DCAKD: variants seen among roughly 807,000 people sequenced by gnomAD.
The protein encoded by DCAKD is dephospho-CoA kinase domain containing.
A neutral mutation model predicts 18.7 loss-of-function variants in DCAKD; 15 were observed. That is an observed-to-expected ratio of 0.80 (90% CI 0.54 to 1.24). The LOEUF is 1.24. Ranked by LOEUF, DCAKD falls within the 50% of genes most tolerant of loss-of-function variation. The pLI is 0.00. For missense variants in DCAKD, 301 were observed against 322.0 expected, an observed-to-expected ratio of 0.93 and a Z score of 0.50; for synonymous variants, 130 against 133.0, an observed-to-expected ratio of 0.98 and a Z score of 0.16.
intron 3 of DCAKD, among the ~76,000 whole-genome samples, chr17:45,030,761 G>A (rs985324142): frequency 9.2e-5 from 14 of 152,246 alleles, no homozygotes; most frequent in African/African-American, 3.4e-4. Flanking sequence ...ACGTTGGGGC[G>A]GCAGCAGCAG....
At position 45,042,459 on chromosome 17, in the gene DCAKD, G is replaced by A. The variant is rs1438615942; in HGVS notation, c.-114-7460C>T. Among the ~76,000 whole-genome samples, 6 of 152,220 alleles carry A rather than the reference G, an allele frequency of 3.9e-5. No homozygotes were observed. In the East Asian group the frequency reaches 9.7e-4, roughly 25 times the overall value. ...TGCCAGGCCAGGACCTGGCTCCCTC[G>A]GCTTGCAGCCCCTGTCCTCCTCCCC... On this transcript the variant is annotated intron_variant, in intron 1 of 4. Transcript: ENST00000651974.
Position 45,034,188 on chromosome 17 carries a change from C to G in DCAKD, c.315G>C (p.Arg105=). 6.2e-7 allele frequency: 1 copy of G among 1,613,542 alleles called. No individual in the cohort carries two copies. The highest frequency in any genetic ancestry group is 8.5e-7 in the Non-Finnish European group (1 of 1,179,752). The change falls in exon 3 of 5, where the codon CGG becomes CGC. Residue 105 remains arginine, a splice_region_variant and synonymous_variant. Transcript: ENST00000651974. ...CCCGCCCCAGGCCCTGGCACTTACC[C>G]CGGAGGAAGTACTTGAACGTCTCCT... is the stretch of plus-strand genomic sequence containing the variant. ...MMKETFKYFL[R]GYRYVILDIP...
At chr17:45,055,585 A>G (rs1381560285), upstream of DCAKD, among the ~76,000 whole-genome samples, 1 of 151,956 alleles carries the variant, frequency 6.6e-6, no homozygotes, top group Non-Finnish European at 1.5e-5. Flanking sequence ...CCATACCTCA[A>G]AAGCACCCAA....
chr17:45,032,551 G>A (rs1597949598), intron 3 of DCAKD, among the ~76,000 whole-genome samples: 1 of 151,642 alleles, frequency 6.6e-6, no homozygotes, highest in African/African-American at 2.4e-5. Context: ...TTGGGAGGGC[G>A]AGGCAGGCAT....
At chr17:45,038,347 A>T (rs1307255342) in intron 1 of DCAKD, among the ~76,000 whole-genome samples, 1 of 152,068 alleles carries the variant, frequency 6.6e-6, no homozygotes, top group Non-Finnish European at 1.5e-5. Flanking sequence ...CTGATGTGTA[A>T]CAGCGCTCAG....
rs35837364 is a variant in DCAKD, at chr17:45,035,480, T to TAA, written c.-114-483_-114-482dup. Among the ~76,000 whole-genome samples, 411 of 86,888 alleles carry TAA rather than the reference T, an allele frequency of 4.7e-3. 2 individuals are homozygous for TAA. Among genetic ancestry groups the TAA allele is most frequent in the South Asian group, 0.011 (25 of 2,334 alleles). 57.0% of individuals were successfully genotyped at this position (86,888 alleles called of 152,430 possible). On this transcript the variant is annotated intron_variant, in intron 1 of 4. Transcript: ENST00000651974. Reference sequence around the variant, plus strand: ...GTGGGTGACAGAACCAGATTCCTTCTAAAAAAAAAAAAAAAAAAAAAAGCA... The same window carrying TAA: ...GTGGGTGACAGAACCAGATTCCTTCTAAAAAAAAAAAAAAAAAAAAAAAAGCA...
At chr17:45,050,075 C>G (rs2053658997) in intron 1 of DCAKD, among the ~76,000 whole-genome samples, 1 of 139,624 alleles carries the variant, frequency 7.2e-6, no homozygotes, top group South Asian at 2.3e-4. Flanking sequence ...GAGTCTCACT[C>G]TCTTGCCCAG....
At chr17:45,035,182 G>A (rs187064901) in intron 1 of DCAKD, 183 bp from the exon 2 acceptor site, 3 of 328,132 alleles carry the variant, frequency 9.1e-6, no homozygotes, top group Non-Finnish European at 1.8e-5. Flanking sequence ...AAAAACACTC[G>A]CAAAGAAGGC....
At position 45,030,326 on chromosome 17, in the gene DCAKD, T is replaced by C; in HGVS notation, c.317-147A>G. 6 of 697,542 alleles carry C rather than the reference T, an allele frequency of 8.6e-6. No homozygotes were observed. The South Asian group carries it at 9.6e-5, about 11-fold the overall frequency. The allele number at this position is 697,542 out of a possible 1,614,324, so 43.2% of individuals were successfully genotyped here. A position where few individuals can be genotyped will look rare whatever the true frequency, so the allele number is the denominator to read the frequency against. On this transcript the variant is annotated intron_variant, in intron 3 of 4. Transcript: ENST00000651974. ...TACCCTGCACACTGGCCGGTTCCAA[T>C]GCCGTGCAGAACAGAAGGCTGCAGA... is the stretch of plus-strand genomic sequence containing the variant.
chr17:45,029,928 C>T (rs564397163), intron 4 of DCAKD, among the ~76,000 whole-genome samples, 164 bp downstream of exon 4: 3 of 152,230 alleles, frequency 2.0e-5, no homozygotes, highest in East Asian at 3.9e-4. Context: ...GGACTATCCG[C>T]GTCAGGCACA....
rs73311389 is a variant in DCAKD at position 45,034,591 on chromosome 17, G to A, written c.112+183C>T. On this transcript the variant is annotated intron_variant, in intron 2 of 4. Coordinates refer to ENST00000651974, the MANE Select transcript of DCAKD (RefSeq NM_001288655.2). ...GTGCTGGTAATGGGGTACAGCTGGGGGGTTTCTAAAAACAGAAAATAGAAG... is the reference window on the plus strand; with the variant it reads ...GTGCTGGTAATGGGGTACAGCTGGGAGGTTTCTAAAAACAGAAAATAGAAG... 8.1e-3 allele frequency among the ~76,000 whole-genome samples: 1,232 copies of A among 152,260 alleles called. 16 individuals are homozygous for A. Among genetic ancestry groups the A allele is most frequent in the African/African-American group, 0.029 (1,186 of 41,546 alleles).
rs368773489 is a variant in DCAKD, at chr17:45,058,459, A to T, written c.-118+2429T>A. On this transcript the variant is annotated intron_variant, in intron 1 of 4. Transcript: ENST00000310604. ...TTTTGAGACAGAGTCCCACTTTGTCACCCAGGCTGGAGTGCAGTGGCAGAA... is the reference window on the plus strand; with the variant it reads ...TTTTGAGACAGAGTCCCACTTTGTCTCCCAGGCTGGAGTGCAGTGGCAGAA... Among the ~76,000 whole-genome samples the T allele has an allele frequency of 7.9e-5, 12 of 151,242 alleles. No individual in the cohort carries two copies. In the East Asian group the frequency reaches 2.4e-3, roughly 30 times the overall value.
At chr17:45,044,008 C>A (rs2053503854) in intron 1 of DCAKD, among the ~76,000 whole-genome samples, 1 of 152,128 alleles carries the variant, frequency 6.6e-6, no homozygotes, top group Non-Finnish European at 1.5e-5. Flanking sequence ...CCTGCTGCAC[C>A]TTTGCTCCAA....
chr17:45,029,996 G>A (rs944801891), intron 4 of DCAKD, 96 bp downstream of exon 4: 30 of 1,146,236 alleles, frequency 2.6e-5, no homozygotes, highest in African/African-American at 1.4e-4. Context: ...CCTCTTGGCC[G>A]CCCCGTGGGG....
intron 1 of DCAKD, among the ~76,000 whole-genome samples, chr17:45,040,125 T>G (rs1444807633): frequency 6.7e-6 from 1 of 148,198 alleles, no homozygotes; most frequent in Non-Finnish European, 1.5e-5. Context: ...TGGTGGCTCA[T>G]GCCTGTAATC....
intron 1 of DCAKD, among the ~76,000 whole-genome samples, chr17:45,040,561 G>A (rs1224068490): frequency 2.0e-5 from 3 of 152,130 alleles, no homozygotes; most frequent in Non-Finnish European, 2.9e-5. Context: ...CACTGTGCAG[G>A]AGAAATGGAA....
chr17:45,051,119 G>A (rs551156567), intron 1 of DCAKD, among the ~76,000 whole-genome samples: 59 of 152,304 alleles, frequency 3.9e-4, no homozygotes, highest in African/African-American at 1.2e-3. Flanking sequence ...GCAAACTTGG[G>A]ATCGGAAAGA....
chr17:45,058,008 C>CA (rs1183133616), intron 1 of DCAKD, among the ~76,000 whole-genome samples: 1,499 of 26,634 alleles, frequency 0.056, 7 homozygotes, highest in Middle Eastern at 0.091. Flanking sequence ...GATTCCGTCT[C>CA]AAAAAAAAAA....
chr17:45,045,354 A>G (rs2053542476), intron 1 of DCAKD, among the ~76,000 whole-genome samples: 1 of 152,188 alleles, frequency 6.6e-6, no homozygotes, highest in Non-Finnish European at 1.5e-5. Flanking sequence ...CTTTGTGTTG[A>G]TATCTTGCAA....
Sources: allele counts gnomAD v4.1 joint callset (sites outside exome capture counted in the v4.1 genomes callset), GRCh38; gene constraint gnomAD v4.1.1; transcripts MANE v1.5; gene names NCBI Gene and HGNC (gene_info 2026-07-23, HGNC 2026-07-21).